Variants in KCP observed in about 807,000 individuals in gnomAD.
KCP encodes kielin/chordin-like protein.
In KCP, 194 loss-of-function variants were observed where a neutral mutation model predicts 212.7. The observed-to-expected ratio is 0.91, with a 90% CI of 0.81 to 1.03. The LOEUF is 1.03. Ranked by LOEUF, KCP falls within the 50% of genes least tolerant of loss-of-function variation. The pLI, the probability that KCP is intolerant of heterozygous loss-of-function variation, is 0.00. For missense variants in KCP, 2,080 were observed against 2,162.5 expected, an observed-to-expected ratio of 0.96 and a Z score of 0.76; for synonymous variants, 833 against 865.3, an observed-to-expected ratio of 0.96 and a Z score of 0.65.
chr7:128,880,982 C>G lies in KCP; in HGVS notation c.3513+15G>C. 2.5e-6 allele frequency: 1 copy of G among 399,008 alleles called. No homozygotes were observed. The highest frequency in any genetic ancestry group is 4.4e-6 in the Non-Finnish European group (1 of 226,356). The allele number at this position is 399,008 out of a possible 1,614,324, so 24.7% of individuals were successfully genotyped here. A position where few individuals can be genotyped will look rare whatever the true frequency, so the allele number is the denominator to read the frequency against. On this transcript the variant is annotated intron_variant, in intron 32 of 39. Transcript: ENST00000610776. Reference sequence around the variant, plus strand: ...CTGCGAGATCCTCCACCCTCCCAGGCCCACCCCAGCTCACATGGCAGGTGC... The same window carrying G: ...CTGCGAGATCCTCCACCCTCCCAGGGCCACCCCAGCTCACATGGCAGGTGC...
Position 128,892,566 on chromosome 7 carries a change from C to T in KCP, c.1569G>A (p.Thr523=), listed in dbSNP as rs781396214. The part of the protein sequence containing the change: ...VTCSLVDCPP[T]TCARPQSGPG... ...GTCCACTCTGGGGCCTGGCACAGGT[C>T]GTGGGAGGGCAGTCAACCAAGGAGC... The change falls in exon 16 of 40, where the codon ACG becomes ACA. Residue 523 remains threonine, a synonymous_variant. Transcript: ENST00000610776. 7.7e-6 allele frequency: 12 copies of T among 1,549,964 alleles called. No homozygotes were observed. Among genetic ancestry groups the T allele is most frequent in the African/African-American group, 2.7e-5 (2 of 73,016 alleles).
chr7:128,893,414 G>A lies in KCP; in HGVS notation c.1162C>T (p.Leu388Phe). ...ACCTGGCAGGAGCAGCGGACACAGA[G>A]GCCCCGCTCTTGGAGTCTGAAGGTC... ...QETFRLQERG[L>F]CVRCSCQAGE... The change falls in exon 12 of 40, where the codon CTC becomes TTC. Residue 388 changes from leucine to phenylalanine, a missense_variant. Leu to Phe is a conservative substitution (Grantham distance 22). Transcript: ENST00000610776. 6.4e-7 allele frequency: 1 copy of A among 1,551,670 alleles called. No homozygotes were observed. The highest frequency in any genetic ancestry group is 8.7e-7 in the Non-Finnish European group (1 of 1,146,956).
intron 32 of KCP, 39 bp from the exon 33 acceptor site, chr7:128,880,760 G>A: frequency 2.5e-6 from 1 of 407,156 alleles, no homozygotes; most frequent in Non-Finnish European, 4.3e-6. Context: ...TTTCTGCAGG[G>A]CCGGAGTCCC....
chr7:128,908,274 G>GAAAGAAAGAAAGAAAGAA (rs1795252571), intron 2 of KCP, among the ~76,000 whole-genome samples, 152 bp downstream of exon 2: 1 of 149,900 alleles, frequency 6.7e-6, no homozygotes, highest in African/African-American at 2.5e-5. Flanking sequence ...AAGAAAGAAA[G>GAAAGAAAGAAAGAAAGAA]AAAGAAAGAA....
At position 128,892,910 on chromosome 7, in the gene KCP, A is replaced by G; in HGVS notation, c.1379T>C (p.Leu460Pro). The G allele has an allele frequency of 3.9e-6, 6 of 1,527,244 alleles. No homozygotes were observed. Among genetic ancestry groups the G allele is most frequent in the Non-Finnish European group, 5.3e-6 (6 of 1,125,072 alleles). The allele number at this position is 1,527,244 out of a possible 1,614,324, so 94.6% of individuals were successfully genotyped here. A position where few individuals can be genotyped will look rare whatever the true frequency, so the allele number is the denominator to read the frequency against. ...GTGCTGGCAGGGGGCTGGGGGGCAG[A>G]GCACAGCCCCGCACTTGGGTACCCC... ...QDGVPKCGAV[L>P]CPPAPCQHPT... Residue 460 changes from leucine to proline, a missense_variant, in exon 14 of 40, where the codon CTC becomes CCC. Coordinates refer to ENST00000610776, the MANE Select transcript of KCP (RefSeq NM_001366122.1).
chr7:128,890,162 C>T, intron 21 of KCP, 181 bp downstream of exon 21: 2 of 1,151,062 alleles, frequency 1.7e-6, no homozygotes, highest in Admixed American at 2.3e-5. Flanking sequence ...TCAAGTGATC[C>T]TCCTGCCTCA....
rs1793535772 is a variant in KCP at position 128,884,684 on chromosome 7, C to T, written c.3123+97G>A. ...TACACTCCTTTGGCCCCCAGAGTGC[C>T]TGCTCCATGCAGTGACCAGCTTGGC... On this transcript the variant is annotated intron_variant, in intron 28 of 39. Coordinates refer to ENST00000610776, the MANE Select transcript of KCP (RefSeq NM_001366122.1). 3 of 1,157,870 alleles carry T rather than the reference C, an allele frequency of 2.6e-6. No individual in the cohort carries two copies. In the South Asian group the frequency reaches 4.0e-5, roughly 16 times the overall value. The allele number at this position is 1,157,870 out of a possible 1,614,324, so 71.7% of individuals were successfully genotyped here. A position where few individuals can be genotyped will look rare whatever the true frequency, so the allele number is the denominator to read the frequency against.
At chr7:128,896,613 G>C (rs536956575) in intron 8 of KCP, among the ~76,000 whole-genome samples, 1 of 152,034 alleles carries the variant, frequency 6.6e-6, no homozygotes, top group Admixed American at 6.5e-5. Context: ...CTCCATGGCC[G>C]GTCGCGGTGG....
intron 29 of KCP, among the ~76,000 whole-genome samples, chr7:128,883,722 T>C (rs992844010): frequency 3.9e-5 from 6 of 152,218 alleles, no homozygotes; most frequent in South Asian, 2.1e-4. Flanking sequence ...GGCTACCCCC[T>C]GCCTGCCTGG....
chr7:128,880,163 C>T, intron 34 of KCP, 78 bp from the exon 35 acceptor site: 1 of 1,431,378 alleles, frequency 7.0e-7, no homozygotes. Context: ...GAAAACCAAG[C>T]ATCTCCCAGG....
In KCP at chr7:128,886,717, C is replaced by T. The variant is rs868426128; in HGVS notation, c.2710G>A (p.Glu904Lys). 1.2e-5 allele frequency: 19 copies of T among 1,551,532 alleles called. No individual in the cohort carries two copies. In the African/African-American group the frequency reaches 2.5e-4, roughly 20 times the overall value. Reference sequence around the variant, plus strand: ...TCAAACTCCTCCCCATCCTGGTGCTCCCGGCCCTGAGAGAGACAGCCTGTG... The same window carrying T: ...TCAAACTCCTCCCCATCCTGGTGCTTCCGGCCCTGAGAGAGACAGCCTGTG... ...VCHSCLSQGR[E>K]HQDGEEFEGP... Residue 904 changes from glutamate (E) to lysine (K), a missense_variant, in exon 25 of 40, where the codon GAG becomes AAG. By Grantham distance (56) the Glu-to-Lys change is moderately conservative (BLOSUM62 1). Coordinates refer to ENST00000610776, the MANE Select transcript of KCP (RefSeq NM_001366122.1).
rs142267651 is a variant in KCP at position 128,886,024 on chromosome 7, A to G, written c.2866+440T>C. Among the ~76,000 whole-genome samples the G allele has an allele frequency of 7.2e-3, 1,085 of 151,650 alleles. 14 individuals carry two copies. The highest frequency in any genetic ancestry group is 0.025 in the African/African-American group (1,031 of 41,060). On this transcript the variant is annotated intron_variant, in intron 26 of 39. Transcript: ENST00000610776. ...CTTGATGATGATGATGATGGTGGTG[A>G]TGATGATGATGATGATGAATGGGGT...
rs374544514 is a variant in KCP, at chr7:128,907,015, G to A, written c.486+86C>T. 1.4e-4 allele frequency: 185 copies of A among 1,314,266 alleles called. 2 individuals are homozygous for A. The East Asian group carries it at 4.3e-3, about 30-fold the overall frequency. 81.4% of individuals were successfully genotyped at this position (1,314,266 alleles called of 1,614,324 possible). A position where few individuals can be genotyped will look rare whatever the true frequency, so the allele number is the denominator to read the frequency against. ...GAGTGGCAGGCAGAGCCCATTATGC[G>A]ACATCTTGAGTGCCACGCTGCAGTG... is the stretch of plus-strand genomic sequence containing the variant. On this transcript the variant is annotated intron_variant, in intron 4 of 39. Transcript: ENST00000610776.
At chr7:128,878,311 G>C (rs1471001588) in intron 38 of KCP, among the ~76,000 whole-genome samples, 2 of 152,076 alleles carry the variant, frequency 1.3e-5, no homozygotes, top group Non-Finnish European at 2.9e-5. Context: ...ACCCACCTCG[G>C]CATCCCAAAG....
chr7:128,880,851 G>A, intron 32 of KCP, 130 bp from the exon 33 acceptor site: 3 of 400,088 alleles, frequency 7.5e-6, no homozygotes, highest in Non-Finnish European at 1.3e-5. Context: ...TTCAAGAGGG[G>A]AATGAAATCC....
chr7:128,893,429 G>A lies in KCP; in HGVS notation c.1147C>T (p.Leu383Phe). The A allele has an allele frequency of 6.4e-7, 1 of 1,551,666 alleles. No homozygotes were observed. Among genetic ancestry groups the A allele is most frequent in the African/African-American group, 1.4e-5 (1 of 73,180 alleles). Residue 383 changes from leucine to phenylalanine, a missense_variant, in exon 12 of 40, where the codon CTC (leucine) becomes TTC (phenylalanine). By Grantham distance (22) the Leu-to-Phe change is conservative (BLOSUM62 0). Transcript: ENST00000610776. ...HQYQSQETFR[L>F]QERGLCVRCS... ...CGGACACAGAGGCCCCGCTCTTGGA[G>A]TCTGAAGGTCTCCTGGCTCTGATAC...
Position 128,876,906 on chromosome 7 carries a change from C to T in KCP, c.*137G>A, listed in dbSNP as rs1217480960. ...GTTTACTGCTGGTGACTCAACATGG[C>T]GGGGGTCTTTGCAGGGCAGGGGCCC... On this transcript the variant is annotated 3_prime_UTR_variant, in exon 40 of 40. Transcript: ENST00000610776. 1.6e-5 allele frequency: 16 copies of T among 1,012,432 alleles called. No individual in the cohort carries two copies. The highest frequency in any genetic ancestry group is 3.4e-5 in the Admixed American group (1 of 29,336). The allele number at this position is 1,012,432 out of a possible 1,614,324, so 62.7% of individuals were successfully genotyped here. A position where few individuals can be genotyped will look rare whatever the true frequency, so the allele number is the denominator to read the frequency against.
At position 128,879,793 on chromosome 7, in the gene KCP, A is replaced by T. The variant is rs1302336265; in HGVS notation, c.3969T>A (p.Gly1323=). ...CCGCCACCTCCTGGGTCCAGGCCAC[A>T]CCGCTCCGGCCCCGGTCATCATTGG... is the stretch of plus-strand genomic sequence containing the variant. The part of the protein sequence containing the change: ...HVTNDDRGRS[G]VAWTQEVAVL... The change falls in exon 36 of 40, where the codon GGT becomes GGA. Residue 1323 remains glycine, a synonymous_variant. Transcript: ENST00000610776. 6.4e-7 allele frequency: 1 copy of T among 1,550,696 alleles called. No homozygotes were observed. Among genetic ancestry groups the T allele is most frequent in the Admixed American group, 2.0e-5 (1 of 50,980 alleles).
chr7:128,891,316 G>C, intron 18 of KCP, 38 bp from the exon 19 acceptor site: 4 of 1,547,398 alleles, frequency 2.6e-6, no homozygotes, highest in Non-Finnish European at 3.5e-6. Context: ...CAGTGGGTTA[G>C]TTGGGGGAGG....
Sources: allele counts gnomAD v4.1 joint callset (sites outside exome capture counted in the v4.1 genomes callset), GRCh38; gene constraint gnomAD v4.1.1; transcripts MANE v1.5; gene names NCBI Gene and HGNC (gene_info 2026-07-23, HGNC 2026-07-21).